Variants in ATP8A2 observed in about 807,000 individuals in gnomAD.
ATP8A2 encodes phospholipid-transporting ATPase IB.
Under a neutral mutation model 165.6 loss-of-function variants are expected in ATP8A2, and 100 were observed. The observed-to-expected ratio is 0.60, with a 90% CI of 0.51 to 0.71. The LOEUF (loss-of-function observed/expected upper bound fraction) is 0.71, where lower values mean the gene tolerates loss of function less well. Among genes scored for constraint, ATP8A2 ranks in the 30% least tolerant of loss-of-function variants. The pLI, the probability that ATP8A2 is intolerant of heterozygous loss-of-function variation, is 0.00. For missense variants in ATP8A2, 1,227 were observed against 1,479.5 expected, an observed-to-expected ratio of 0.83 and a Z score of 2.80; for synonymous variants, 543 against 548.8, an observed-to-expected ratio of 0.99 and a Z score of 0.15.
At chr13:25,478,586 C>A (rs1344844796) in intron 2 of ATP8A2, among the ~76,000 whole-genome samples, 1 of 152,140 alleles carries the variant, frequency 6.6e-6, no homozygotes, top group Non-Finnish European at 1.5e-5. Flanking sequence ...AAACTGAAAT[C>A]ATAGGTTTTT....
chr13:25,898,836 C>T (rs918875465), intron 33 of ATP8A2, among the ~76,000 whole-genome samples: 1 of 152,322 alleles, frequency 6.6e-6, no homozygotes, highest in Non-Finnish European at 1.5e-5. Flanking sequence ...AGCTAGGTGC[C>T]GGATATAATC....
At chr13:25,997,610 A>G (rs1484630816) in intron 35 of ATP8A2, among the ~76,000 whole-genome samples, 1 of 151,980 alleles carries the variant, frequency 6.6e-6, no homozygotes, top group African/African-American at 2.4e-5. Context: ...GGCTCTGTTA[A>G]TTTTTATAGT....
intron 27 of ATP8A2, among the ~76,000 whole-genome samples, chr13:25,785,072 A>G (rs2044991321): frequency 6.6e-6 from 1 of 150,956 alleles, no homozygotes; most frequent in Non-Finnish European, 1.5e-5. Flanking sequence ...CATTTCTATT[A>G]TATTGTGTTT....
chr13:25,802,007 T>C (rs1593368998), intron 27 of ATP8A2, among the ~76,000 whole-genome samples: 1 of 152,094 alleles, frequency 6.6e-6, no homozygotes, highest in South Asian at 2.1e-4. Context: ...TTCAATTACC[T>C]CCCACCGGGT....
chr13:25,493,136 A>G (rs1368821163), intron 2 of ATP8A2, among the ~76,000 whole-genome samples: 1 of 152,120 alleles, frequency 6.6e-6, no homozygotes, highest in East Asian at 1.9e-4. Context: ...TTTGTTTTAC[A>G]TGTTTTCATG....
intron 24 of ATP8A2, among the ~76,000 whole-genome samples, chr13:25,612,413 G>T (rs531242469): frequency 4.6e-4 from 70 of 152,188 alleles, no homozygotes; most frequent in South Asian, 8.3e-4. Context: ...TCAGTAGCAG[G>T]TTATTTAATT....
intron 15 of ATP8A2, among the ~76,000 whole-genome samples, chr13:25,562,057 C>T (rs2039172529): frequency 6.6e-6 from 1 of 152,162 alleles, no homozygotes; most frequent in African/African-American, 2.4e-5. Context: ...CTTTTGGCTA[C>T]TGTGAATAAC....
chr13:25,834,860 C>A (rs1402449283), intron 28 of ATP8A2, among the ~76,000 whole-genome samples: 2 of 152,120 alleles, frequency 1.3e-5, no homozygotes, highest in Non-Finnish European at 2.9e-5. Flanking sequence ...GAGACAGGGT[C>A]TTGGTGTGTT....
In ATP8A2 at chr13:25,521,455, C is replaced by A. The variant is rs568997320; in HGVS notation, c.222-8544C>A. Among the ~76,000 whole-genome samples the A allele has an allele frequency of 7.9e-5, 12 of 152,214 alleles. No homozygotes were observed. In the East Asian group the frequency reaches 1.9e-3, roughly 24 times the overall value. On this transcript the variant is annotated intron_variant, in intron 2 of 36. Transcript: ENST00000381655. ...TTATACAAGAAAATCTTTGTCTAGA[C>A]CAATGTCCTGGAGTATTTCCCCAAT... is the stretch of plus-strand genomic sequence containing the variant.
intron 33 of ATP8A2, among the ~76,000 whole-genome samples, chr13:25,955,630 G>A (rs1474819238): frequency 6.6e-6 from 1 of 152,170 alleles, no homozygotes; most frequent in Non-Finnish European, 1.5e-5. Flanking sequence ...TGAGGCAATA[G>A]TTAATAGCCT....
intron 1 of ATP8A2, among the ~76,000 whole-genome samples, chr13:25,437,871 A>G (rs2034822523): frequency 6.6e-6 from 1 of 152,188 alleles, no homozygotes; most frequent in Non-Finnish European, 1.5e-5. Flanking sequence ...AATCTTTATA[A>G]TACCCAAAAT....
intron 33 of ATP8A2, among the ~76,000 whole-genome samples, chr13:25,957,936 T>TA (rs1406600587): frequency 1.3e-5 from 2 of 151,884 alleles, no homozygotes; most frequent in African/African-American, 4.8e-5. Context: ...TATGCAGCCA[T>TA]AAAAAAGGAT....
At chr13:25,506,501 C>T (rs1293526965) in intron 2 of ATP8A2, among the ~76,000 whole-genome samples, 5 of 152,174 alleles carry the variant, frequency 3.3e-5, no homozygotes, top group Non-Finnish European at 7.3e-5. Flanking sequence ...CAGATATTGC[C>T]CACCAGTTTT....
intron 24 of ATP8A2, among the ~76,000 whole-genome samples, chr13:25,635,357 GGGGAGTGTT>G (rs1251860314): frequency 6.6e-6 from 1 of 152,168 alleles, no homozygotes; most frequent in Non-Finnish European, 1.5e-5. Flanking sequence ...GCCATAGTTT[GGGGAGTGTT>G]CTACTAAATA....
chr13:25,587,202 A>G (rs1360465197), intron 23 of ATP8A2, among the ~76,000 whole-genome samples: 1 of 151,562 alleles, frequency 6.6e-6, no homozygotes, highest in East Asian at 1.9e-4. Context: ...GGATTGACAC[A>G]ATAAATAATT....
chr13:25,763,333 T>G (rs1205748328), intron 25 of ATP8A2, among the ~76,000 whole-genome samples: 3 of 152,200 alleles, frequency 2.0e-5, no homozygotes, highest in African/African-American at 7.2e-5. Context: ...AAAACTGAAC[T>G]GCTCTCACCT....
chr13:25,993,868 G>A (rs1228903835), intron 35 of ATP8A2, among the ~76,000 whole-genome samples: 5 of 151,870 alleles, frequency 3.3e-5, no homozygotes, highest in East Asian at 1.9e-4. Context: ...CATCTGTAAC[G>A]ACAAAAAATG....
chr13:25,642,249 A>T (rs2041545839), intron 24 of ATP8A2, among the ~76,000 whole-genome samples: 1 of 152,242 alleles, frequency 6.6e-6, no homozygotes, highest in Non-Finnish European at 1.5e-5. Flanking sequence ...AAATTGACTA[A>T]TGGGATCTAA....
At chr13:25,784,792 G>A (rs1459935308) in intron 27 of ATP8A2, among the ~76,000 whole-genome samples, 1 of 151,878 alleles carries the variant, frequency 6.6e-6, no homozygotes, top group African/African-American at 2.4e-5. Context: ...TTGAGAAGGA[G>A]TCTCGCGCTG....
Sources: allele counts gnomAD v4.1 joint callset (sites outside exome capture counted in the v4.1 genomes callset), GRCh38; gene constraint gnomAD v4.1.1; transcripts MANE v1.5; gene names NCBI Gene and HGNC (gene_info 2026-07-23, HGNC 2026-07-21).